Variants in ACTL8 observed in about 807,000 individuals in gnomAD.
The protein encoded by ACTL8 is actin-like protein 8.
In ACTL8, 3 loss-of-function variants were observed where a neutral mutation model predicts 9.3. The ratio of observed to expected loss-of-function variants is 0.32; its 90% CI spans 0.15 to 0.83. The LOEUF (loss-of-function observed/expected upper bound fraction) is 0.83. ACTL8 is among the 40% of genes least tolerant of loss of function. The pLI, the probability that ACTL8 is intolerant of heterozygous loss-of-function variation, is 0.57. For synonymous variants in ACTL8, 224 were observed against 205.9 expected, an observed-to-expected ratio of 1.09 and a Z score of -0.75; for missense variants, 381 against 492.2, an observed-to-expected ratio of 0.77 and a Z score of 2.14.
chr1:17,792,523 T>C (rs867133915), intron 1 of ACTL8, among the ~76,000 whole-genome samples: 4 of 152,180 alleles, frequency 2.6e-5, no homozygotes, highest in Admixed American at 2.6e-4. Context: ...TGTACAACAT[T>C]CATGTTCTGC....
At chr1:17,792,770 C>T (rs575117670) in intron 1 of ACTL8, among the ~76,000 whole-genome samples, 137 of 152,258 alleles carry the variant, frequency 9.0e-4, no homozygotes, top group Middle Eastern at 3.4e-3. Context: ...CTTTAGGGCT[C>T]ACTAAGAACC....
intron 1 of ACTL8, among the ~76,000 whole-genome samples, chr1:17,786,408 G>A (rs2066197287): frequency 6.6e-6 from 1 of 152,204 alleles, no homozygotes; most frequent in Non-Finnish European, 1.5e-5. Flanking sequence ...CAAAATAAGA[G>A]TTATTAGTTT....
At chr1:17,812,324 A>C (rs1379277220) in intron 1 of ACTL8, among the ~76,000 whole-genome samples, 1 of 151,992 alleles carries the variant, frequency 6.6e-6, no homozygotes, top group Non-Finnish European at 1.5e-5. Context: ...TGGGATTCTG[A>C]GATTTTGATT....
chr1:17,759,279 C>G (rs1438936183), intron 1 of ACTL8, among the ~76,000 whole-genome samples: 3 of 152,238 alleles, frequency 2.0e-5, no homozygotes, highest in East Asian at 3.9e-4. Context: ...TAGAGGGCGC[C>G]GAGGAGCCTC....
chr1:17,805,467 C>T (rs2066353887), intron 1 of ACTL8, among the ~76,000 whole-genome samples: 1 of 142,500 alleles, frequency 7.0e-6, no homozygotes, highest in Non-Finnish European at 1.5e-5. Context: ...GTCACTGCAA[C>T]CTCTGCTGGG....
At chr1:17,771,741 G>A (rs1315900673) in intron 1 of ACTL8, among the ~76,000 whole-genome samples, 1 of 151,980 alleles carries the variant, frequency 6.6e-6, no homozygotes, top group Non-Finnish European at 1.5e-5. Flanking sequence ...CCTGTCACTG[G>A]GGGTGTCAAG....
rs183819291 is a variant in ACTL8, at chr1:17,801,778, A to C, written c.-24-21207A>C. 4.7e-4 allele frequency among the ~76,000 whole-genome samples: 72 copies of C among 152,368 alleles called. 1 individual carries two copies. Among genetic ancestry groups the C allele is most frequent in the South Asian group, 2.1e-3 (10 of 4,828 alleles). On this transcript the variant is annotated intron_variant, in intron 1 of 2. Transcript: ENST00000375406. ...TTATCTGTAAACATTAAGAAGCAAA[A>C]TACAAATCAGTATGAATTTTTAAAT... is the stretch of plus-strand genomic sequence containing the variant.
intron 1 of ACTL8, among the ~76,000 whole-genome samples, chr1:17,782,506 C>CTGG (rs1204403491): frequency 1.3e-5 from 2 of 152,142 alleles, no homozygotes; most frequent in Non-Finnish European, 2.9e-5. Flanking sequence ...CGGCGGCCAC[C>CTGG]TGGGTATATG....
rs146076043 is a variant in ACTL8, at chr1:17,792,979, T to G, written c.-24-30006T>G. ...CCATCAGGTTCACATCTGCATTTTT[T>G]GGGAACCAAAGGCTTCTTGCCCTGG... On this transcript the variant is annotated intron_variant, in intron 1 of 2. Coordinates refer to ENST00000375406, the MANE Select transcript of ACTL8 (RefSeq NM_030812.3). Among the ~76,000 whole-genome samples, 1,148 of 152,236 alleles carry G rather than the reference T, an allele frequency of 7.5e-3. 12 individuals carry two copies. The highest frequency in any genetic ancestry group is 0.027 in the African/African-American group (1,102 of 41,534).
chr1:17,798,204 T>G (rs1355020756), intron 1 of ACTL8, among the ~76,000 whole-genome samples: 1 of 121,426 alleles, frequency 8.2e-6, no homozygotes, highest in Admixed American at 1.0e-4. Context: ...TTTCCTGAAA[T>G]ATGCAGTGGG....
At chr1:17,785,429 A>G (rs558994305) in intron 1 of ACTL8, among the ~76,000 whole-genome samples, 1 of 152,322 alleles carries the variant, frequency 6.6e-6, no homozygotes, top group Admixed American at 6.5e-5. Context: ...CTTGATAGGA[A>G]CATTTGGACT....
At chr1:17,774,126 G>A (rs1398978240) in intron 1 of ACTL8, among the ~76,000 whole-genome samples, 5 of 152,294 alleles carry the variant, frequency 3.3e-5, no homozygotes, top group East Asian at 1.9e-4. Context: ...CTGCAGAGTC[G>A]GAACTAAAGC....
intron 1 of ACTL8, among the ~76,000 whole-genome samples, chr1:17,805,377 C>CTTTTTTTTT (rs56870755): frequency 2.1e-4 from 21 of 100,184 alleles, no homozygotes; most frequent in African/African-American, 4.9e-4. Flanking sequence ...TTTTCTTTTT[C>CTTTTTTTTT]TTTTTTTTTT....
chr1:17,771,348 C>A (rs1357095608), intron 1 of ACTL8, among the ~76,000 whole-genome samples: 1 of 151,958 alleles, frequency 6.6e-6, no homozygotes, highest in Non-Finnish European at 1.5e-5. Flanking sequence ...GCTCTCGGGC[C>A]ATATAAAAAC....
In ACTL8 at chr1:17,812,268, A is replaced by G. The variant is rs147709012; in HGVS notation, c.-24-10717A>G. On this transcript the variant is annotated intron_variant, in intron 1 of 2. Transcript: ENST00000375406. ...GCTATTCTGATTCCTTTGCCTTACCATATACACTTTAGAATCAACTTGTTG... is the reference window on the plus strand; with the variant it reads ...GCTATTCTGATTCCTTTGCCTTACCGTATACACTTTAGAATCAACTTGTTG... Among the ~76,000 whole-genome samples, 850 of 152,262 alleles carry G rather than the reference A, an allele frequency of 5.6e-3. 6 individuals are homozygous for G. Among genetic ancestry groups the G allele is most frequent in the African/African-American group, 0.019 (809 of 41,542 alleles).
Position 17,805,001 on chromosome 1 carries a change from A to G in ACTL8, c.-24-17984A>G, listed in dbSNP as rs560244015. On this transcript the variant is annotated intron_variant, in intron 1 of 2. Coordinates refer to ENST00000375406, the MANE Select transcript of ACTL8 (RefSeq NM_030812.3). ...GGGACCCACCTCCTCTCTGCTCAGA[A>G]ACCTTCAGTGGCTCTCCGTCTCCCT... is the stretch of plus-strand genomic sequence containing the variant. Among the ~76,000 whole-genome samples the G allele has an allele frequency of 2.6e-5, 4 of 152,162 alleles. No homozygotes were observed. In the South Asian group the frequency reaches 8.3e-4, roughly 32 times the overall value.
chr1:17,799,108 C>T (rs1320552205), intron 1 of ACTL8, among the ~76,000 whole-genome samples: 1 of 152,170 alleles, frequency 6.6e-6, no homozygotes, highest in Non-Finnish European at 1.5e-5. Context: ...AGTCCCATCA[C>T]AAGCTTGGAG....
intron 1 of ACTL8, among the ~76,000 whole-genome samples, chr1:17,783,463 A>G (rs1570011104): frequency 6.6e-6 from 1 of 151,954 alleles, no homozygotes; most frequent in East Asian, 1.9e-4. Flanking sequence ...TAAAGCATTC[A>G]TCACTTGTGC....
chr1:17,798,191 C>G (rs1172424615), intron 1 of ACTL8, among the ~76,000 whole-genome samples: 2 of 108,622 alleles, frequency 1.8e-5, no homozygotes. Flanking sequence ...CTCTGCCTTC[C>G]CTTTTCCTGA....
Sources: gnomAD v4.1 joint callset for allele counts (sites outside exome capture counted in the v4.1 genomes callset) on GRCh38, gnomAD v4.1.1 for gene constraint, MANE v1.5 for transcripts, NCBI Gene and HGNC (gene_info 2026-07-23, HGNC 2026-07-21) for gene names.